The following RMP24 variants were observed in gnomAD, a reference collection of about 807,000 sequenced individuals.
The protein encoded by RMP24 is ribonuclease MRP protein subunit p24.
the RMP24 span, chr18:35,972,681 A>AT: frequency 6.4e-7 from 1 of 1,561,662 alleles, no homozygotes; most frequent in Non-Finnish European, 8.6e-7. Context: ...CCGGCGCCCT[A>AT]TTTTCTCACC....
chr18:35,972,716 A>T, the RMP24 span: 6 of 1,602,624 alleles, frequency 3.7e-6, no homozygotes, highest in Non-Finnish European at 5.1e-6. Flanking sequence ...AGCCAGCGGC[A>T]GCGGCGGCGG....
chr18:35,972,953 G>C, the RMP24 span: 1 of 1,610,604 alleles, frequency 6.2e-7, no homozygotes, highest in Non-Finnish European at 8.5e-7. Flanking sequence ...TTGTCGCCCC[G>C]CTTTCCTCTG....
At chr18:35,977,356 G>T in the RMP24 span, 2 of 1,507,688 alleles carry the variant, frequency 1.3e-6, no homozygotes, top group East Asian at 2.3e-5. Context: ...TGTGGTTTAT[G>T]GGGTTAAATT....
At chr18:35,975,121 G>C in the RMP24 span, 1 of 1,571,670 alleles carries the variant, frequency 6.4e-7, no homozygotes, top group Admixed American at 1.8e-5. Flanking sequence ...CAGTATGTAT[G>C]AGTAAACTAG....
Sources: gnomAD v4.1 joint callset for allele counts on GRCh38, gnomAD v4.1.1 for gene constraint, MANE v1.5 for transcripts, NCBI Gene and HGNC (gene_info 2026-07-23, HGNC 2026-07-21) for gene names.